MCF2L2: variants seen among roughly 807,000 people sequenced by gnomAD.
MCF2L2 encodes the protein MCF.2 cell line derived transforming sequence-like 2.
Under a neutral mutation model 150.2 loss-of-function variants are expected in MCF2L2, and 102 were observed. The ratio of observed to expected loss-of-function variants is 0.68; its 90% CI spans 0.58 to 0.80. The LOEUF is 0.80. Ranked by LOEUF, MCF2L2 falls within the 30% of genes least tolerant of loss-of-function variation. The pLI is 0.00. For missense variants in MCF2L2, 1,256 were observed against 1,372.8 expected, an observed-to-expected ratio of 0.91 and a Z score of 1.34; for synonymous variants, 465 against 491.3, an observed-to-expected ratio of 0.95 and a Z score of 0.71.
In MCF2L2 at chr3:183,197,274, T is replaced by C. The variant is rs1722108754; in HGVS notation, c.2885-2019A>G. On this transcript the variant is annotated intron_variant, in intron 25 of 29. Transcript: ENST00000328913. The surrounding 1 kb of genome is among the most constrained non-coding windows in gnomAD (Gnocchi z 4.5). ...AGATAGTGAGGGACTGATGTCAAGG[T>C]AGACAAATAGATCAATGGAAAAGAA... Among the ~76,000 whole-genome samples the C allele has an allele frequency of 6.6e-6, 1 of 152,152 alleles. No homozygotes were observed. Among genetic ancestry groups the C allele is most frequent in the South Asian group, 2.1e-4 (1 of 4,828 alleles).
intron 1 of MCF2L2, among the ~76,000 whole-genome samples, chr3:183,427,559 T>C (rs1280432395): frequency 6.6e-6 from 1 of 152,036 alleles, no homozygotes; most frequent in Non-Finnish European, 1.5e-5. Context: ...TTTCTCACTA[T>C]CCCCAAAACC....
At chr3:183,408,595 T>C (rs1267442126) in intron 1 of MCF2L2, among the ~76,000 whole-genome samples, 12 of 152,050 alleles carry the variant, frequency 7.9e-5, no homozygotes. Context: ...TAGTCTTAAA[T>C]TGGGGATTAA....
At chr3:183,408,461 G>A (rs893418620) in intron 1 of MCF2L2, among the ~76,000 whole-genome samples, 1 of 152,218 alleles carries the variant, frequency 6.6e-6, no homozygotes. Context: ...AGCAGTGGAG[G>A]TGGTGGCCTG....
chr3:183,418,448 T>A (rs1323507116), intron 1 of MCF2L2, among the ~76,000 whole-genome samples: 1 of 152,164 alleles, frequency 6.6e-6, no homozygotes, highest in Non-Finnish European at 1.5e-5. Context: ...TCCCCCAAAG[T>A]CTTAACTCAT....
At chr3:183,260,879 C>T (rs1446525769) in intron 15 of MCF2L2, among the ~76,000 whole-genome samples, 1 of 152,210 alleles carries the variant, frequency 6.6e-6, no homozygotes, top group Non-Finnish European at 1.5e-5. Context: ...CAAATGTATT[C>T]TCTGCAGGAG....
At position 183,428,345 on chromosome 3, in the gene MCF2L2, C is replaced by A. The variant is rs1390030113; in HGVS notation, c.-368G>T. The A allele has an allele frequency of 1.1e-5, 3 of 284,542 alleles. No homozygotes were observed. Among genetic ancestry groups the A allele is most frequent in the Non-Finnish European group, 2.0e-5 (3 of 150,920 alleles). The allele number at this position is 284,542 out of a possible 1,614,324, so 17.6% of individuals were successfully genotyped here. A position where few individuals can be genotyped will look rare whatever the true frequency, so the allele number is the denominator to read the frequency against. Reference sequence around the variant, plus strand: ...CCGGCCGCCAGGTTTCCGGCGCCGCCTCCAGGGACTGTAGAGTGAGGGATG... The same window carrying A: ...CCGGCCGCCAGGTTTCCGGCGCCGCATCCAGGGACTGTAGAGTGAGGGATG... On this transcript the variant is annotated 5_prime_UTR_variant, in exon 1 of 30. It adds an upstream start codon to the 5' untranslated region. Transcript: ENST00000328913. This position sits in a 1 kb window ranked among gnomAD's most constrained non-coding sequence, Gnocchi z 5.1.
chr3:183,192,262 C>T (rs13095879), intron 27 of MCF2L2, among the ~76,000 whole-genome samples: 64,016 of 151,904 alleles, frequency 0.42, 15,236 homozygotes, highest in Non-Finnish European at 0.52. Flanking sequence ...CCTCAAACTC[C>T]GGAGTAGCTA....
At chr3:183,250,921 G>A (rs6803209) in intron 15 of MCF2L2, among the ~76,000 whole-genome samples, 21,032 of 152,168 alleles carry the variant, frequency 0.14, 4,321 homozygotes, top group African/African-American at 0.45. Flanking sequence ...CCATTCATCC[G>A]CCCATTGGGA....
rs185594165 is a variant in MCF2L2, at chr3:183,242,058, C to A, written c.1863-11041G>T. ...GAGAGAGATGATTCAGGGCACCTGGCAGAAGACACTTCTAAGCAGCAAAGC... is the reference window on the plus strand; with the variant it reads ...GAGAGAGATGATTCAGGGCACCTGGAAGAAGACACTTCTAAGCAGCAAAGC... On this transcript the variant is annotated intron_variant, in intron 15 of 29. Transcript: ENST00000328913. 2.4e-3 allele frequency among the ~76,000 whole-genome samples: 363 copies of A among 152,274 alleles called. 5 individuals carry two copies. Among genetic ancestry groups the A allele is most frequent in the South Asian group, 9.5e-3 (46 of 4,826 alleles).
At chr3:183,302,254 T>C (rs1284629964) in intron 10 of MCF2L2, among the ~76,000 whole-genome samples, 8 of 152,206 alleles carry the variant, frequency 5.3e-5, no homozygotes, top group African/African-American at 1.9e-4. Flanking sequence ...TAGTACTTTC[T>C]CATCTTAATA....
intron 15 of MCF2L2, among the ~76,000 whole-genome samples, chr3:183,239,285 G>C (rs1389813070): frequency 6.6e-6 from 1 of 152,066 alleles, no homozygotes; most frequent in Non-Finnish European, 1.5e-5. Context: ...GCCGCCCTTA[G>C]CTCATTAAAG....
At chr3:183,238,069 T>C (rs1204689018) in intron 15 of MCF2L2, among the ~76,000 whole-genome samples, 2 of 150,370 alleles carry the variant, frequency 1.3e-5, no homozygotes, top group Admixed American at 6.6e-5. Flanking sequence ...TGAGAGATAG[T>C]TTGTTATAAT....
intron 15 of MCF2L2, among the ~76,000 whole-genome samples, chr3:183,261,933 C>T (rs1250479282): frequency 3.5e-5 from 5 of 141,506 alleles, no homozygotes; most frequent in Non-Finnish European, 3.0e-5. Context: ...TTCAGACAAC[C>T]GTTTTAGGAG....
intron 23 of MCF2L2, among the ~76,000 whole-genome samples, 179 bp downstream of exon 23, chr3:183,207,429 C>A (rs1373550936): frequency 6.6e-6 from 1 of 152,204 alleles, no homozygotes; most frequent in African/African-American, 2.4e-5. Context: ...CAGCCCTGGC[C>A]CATAAGCTCT....
chr3:183,273,637 A>G (rs752616470), intron 15 of MCF2L2, among the ~76,000 whole-genome samples: 60 of 152,236 alleles, frequency 3.9e-4, no homozygotes, highest in Non-Finnish European at 5.1e-4. Flanking sequence ...ATATGATGAT[A>G]GTCCCATGAA....
At chr3:183,325,386 C>T (rs894560895) in intron 5 of MCF2L2, among the ~76,000 whole-genome samples, 3 of 152,128 alleles carry the variant, frequency 2.0e-5, no homozygotes, top group African/African-American at 7.2e-5. Flanking sequence ...CCACCTTAAC[C>T]TTGTCAGGCC....
At chr3:183,408,409 C>T (rs918665241) in intron 1 of MCF2L2, among the ~76,000 whole-genome samples, 2 of 152,160 alleles carry the variant, frequency 1.3e-5, no homozygotes, top group Non-Finnish European at 2.9e-5. Flanking sequence ...TTCCTCCTGG[C>T]CCCCATTACA....
chr3:183,386,947 T>C (rs1713865298), intron 2 of MCF2L2, among the ~76,000 whole-genome samples: 1 of 152,194 alleles, frequency 6.6e-6, no homozygotes, highest in South Asian at 2.1e-4. Flanking sequence ...GAATCCATGC[T>C]TCTGCTTCAT....
At chr3:183,310,267 C>T (rs749342728) in intron 9 of MCF2L2, among the ~76,000 whole-genome samples, 3 of 152,048 alleles carry the variant, frequency 2.0e-5, no homozygotes, top group Non-Finnish European at 2.9e-5. Flanking sequence ...TTTGGGAGAC[C>T]GAGGCAGGTA....
Sources: gnomAD v4.1 joint callset for allele counts (sites outside exome capture counted in the v4.1 genomes callset) on GRCh38, gnomAD v4.1.1 for gene constraint, Gnocchi (gnomAD v3.1) non-coding constraint, MANE v1.5 for transcripts, NCBI Gene and HGNC (gene_info 2026-07-23, HGNC 2026-07-21) for gene names.